ATP9B: variants seen among roughly 807,000 people sequenced by gnomAD.
ATP9B encodes the protein ATPase phospholipid transporting 9B, also known as probable phospholipid-transporting ATPase IIB.
A neutral mutation model predicts 146.1 loss-of-function variants in ATP9B; 110 were observed. The ratio of observed to expected loss-of-function variants is 0.75; its 90% CI spans 0.65 to 0.88. The LOEUF (loss-of-function observed/expected upper bound fraction) is 0.88. Among genes scored for constraint, ATP9B ranks in the 40% least tolerant of loss-of-function variants. The pLI is 0.00. For synonymous variants in ATP9B, 604 were observed against 569.7 expected, an observed-to-expected ratio of 1.06 and a Z score of -0.86; for missense variants, 1,499 against 1,496.4, an observed-to-expected ratio of 1.00 and a Z score of -0.03.
At chr18:79,082,773 T>C (rs2073404379) in intron 1 of ATP9B, among the ~76,000 whole-genome samples, 1 of 152,332 alleles carries the variant, frequency 6.6e-6, no homozygotes, top group African/African-American at 2.4e-5. Flanking sequence ...TTTCTTCCTC[T>C]GGAAGCTTCG....
In ATP9B at chr18:79,377,653, A is replaced by C; in HGVS notation, c.*270A>C. On this transcript the variant is annotated 3_prime_UTR_variant, in exon 30 of 30. Coordinates refer to ENST00000426216, the MANE Select transcript of ATP9B (RefSeq NM_198531.5). ...GGCTTCACCCCTGCCAGGCAAGCCC[A>C]GGGCATAGATGCTGAGACAGCCTCT... The C allele has an allele frequency of 2.0e-6, 1 of 488,554 alleles. No individual in the cohort carries two copies. Among genetic ancestry groups the C allele is most frequent in the African/African-American group, 2.0e-5 (1 of 50,178 alleles). The allele number at this position is 488,554 out of a possible 1,614,324, so 30.3% of individuals were successfully genotyped here. A position where few individuals can be genotyped will look rare whatever the true frequency, so the allele number is the denominator to read the frequency against.
intron 12 of ATP9B, among the ~76,000 whole-genome samples, chr18:79,271,184 A>G (rs1335793564): frequency 1.3e-5 from 2 of 152,140 alleles, no homozygotes; most frequent in Non-Finnish European, 2.9e-5. Flanking sequence ...GGGATTTAGA[A>G]TTTTGCTTAC....
intron 26 of ATP9B, among the ~76,000 whole-genome samples, chr18:79,370,747 T>C (rs1249484686): frequency 6.6e-5 from 10 of 152,192 alleles, no homozygotes; most frequent in African/African-American, 2.4e-5. Flanking sequence ...TCTGAGGTGC[T>C]CCCTGTTGGC....
chr18:79,329,421 G>A, intron 16 of ATP9B, 119 bp downstream of exon 16: 1 of 1,078,666 alleles, frequency 9.3e-7, no homozygotes. Flanking sequence ...TGCTGTTACA[G>A]TTTTGTTTGT....
intron 26 of ATP9B, chr18:79,361,882 G>A (rs2096991377): frequency 1.3e-6 from 1 of 798,138 alleles, no homozygotes; most frequent in South Asian, 5.7e-5. Context: ...TCAAGCTCCT[G>A]CGATGTAGGA....
At chr18:79,122,836 A>G (rs965998155) in intron 4 of ATP9B, among the ~76,000 whole-genome samples, 5 of 152,052 alleles carry the variant, frequency 3.3e-5, no homozygotes, top group African/African-American at 1.2e-4. Flanking sequence ...CTTTTATTTC[A>G]TTGCTGCTTT....
At chr18:79,143,885 A>C (rs1194415362) in intron 6 of ATP9B, 25 bp downstream of exon 6, 1 of 1,451,812 alleles carries the variant, frequency 6.9e-7, no homozygotes, top group African/African-American at 1.4e-5. Flanking sequence ...AATATATTTT[A>C]GACCTATGTA....
chr18:79,373,588 C>G (rs534845441), intron 27 of ATP9B, among the ~76,000 whole-genome samples: 1 of 150,928 alleles, frequency 6.6e-6, no homozygotes, highest in East Asian at 2.0e-4. Flanking sequence ...CTCCTGGGTT[C>G]AAATGATTCT....
chr18:79,096,716 T>A (rs557112288), intron 2 of ATP9B, 67 bp downstream of exon 2: 1 of 1,227,806 alleles, frequency 8.1e-7, no homozygotes, highest in South Asian at 1.5e-5. Flanking sequence ...GCTTCTAATA[T>A]ACTTATTAGC....
intron 19 of ATP9B, among the ~76,000 whole-genome samples, chr18:79,341,146 C>T (rs990994568): frequency 9.9e-5 from 15 of 152,202 alleles, no homozygotes. Flanking sequence ...TGTAGCGTGA[C>T]CTCGTTGAAG....
intron 2 of ATP9B, among the ~76,000 whole-genome samples, chr18:79,101,789 G>A (rs527240734): frequency 3.9e-5 from 6 of 152,044 alleles, no homozygotes; most frequent in Non-Finnish European, 5.9e-5. Context: ...TGCCATTTGT[G>A]TACTCTCATA....
chr18:79,154,155 G>T (rs1289111432), intron 6 of ATP9B, among the ~76,000 whole-genome samples: 1 of 150,402 alleles, frequency 6.6e-6, no homozygotes, highest in African/African-American at 2.5e-5. Context: ...TAGAGACAAG[G>T]TTTCACCATG....
chr18:79,268,342 A>G (rs145878006), intron 12 of ATP9B, among the ~76,000 whole-genome samples: 140 of 152,278 alleles, frequency 9.2e-4, no homozygotes, highest in African/African-American at 3.2e-3. Flanking sequence ...TGCATATTCA[A>G]TTATTATAAT....
At chr18:79,150,232 T>C (rs909853103) in intron 6 of ATP9B, among the ~76,000 whole-genome samples, 1 of 151,940 alleles carries the variant, frequency 6.6e-6, no homozygotes, top group African/African-American at 2.4e-5. Context: ...TTGGAAACAA[T>C]GTGAAGAAGC....
chr18:79,132,249 C>T (rs2094389152), intron 5 of ATP9B, among the ~76,000 whole-genome samples: 1 of 152,088 alleles, frequency 6.6e-6, no homozygotes, highest in African/African-American at 2.4e-5. Context: ...TGAAAATTTA[C>T]CATTTAAGAA....
intron 12 of ATP9B, among the ~76,000 whole-genome samples, chr18:79,256,286 T>TACAC (rs1555791765): frequency 1.8e-4 from 22 of 123,068 alleles, no homozygotes; most frequent in African/African-American, 4.9e-4. Context: ...TATATATATA[T>TACAC]ACATACATAG....
chr18:79,359,408 C>T lies in ATP9B; in HGVS notation c.2958C>T (p.Asp986=), dbSNP rs377408016. ...TGTTCTCCTTAGTGCTGGACCAGGACGTGAAGCCAGAGATGGCGATGCTCT... is the reference window on the plus strand; with the variant it reads ...TGTTCTCCTTAGTGCTGGACCAGGATGTGAAGCCAGAGATGGCGATGCTCT... The part of the protein sequence containing the change: ...FPVFSLVLDQ[D]VKPEMAMLYP... Residue 986 remains aspartate, a synonymous_variant, in exon 26 of 30, where the codon GAC becomes GAT. Transcript: ENST00000426216. The T allele has an allele frequency of 1.6e-5, 26 of 1,613,940 alleles. No homozygotes were observed. The highest frequency in any genetic ancestry group is 3.3e-5 in the Admixed American group (2 of 59,992).
rs377615247 is a variant in ATP9B, at chr18:79,348,266, AAAAC to A, written c.2903+74_2903+77del. Reference sequence around the variant, plus strand: ...CTATTTTGAAAAAAAAAAAAAAAAAAAAACAAAAAACGTATATAGAAGATTCTTG... The same window carrying A: ...CTATTTTGAAAAAAAAAAAAAAAAAAAAAAAACGTATATAGAAGATTCTTG... On this transcript the variant is annotated intron_variant, in intron 25 of 29. Transcript: ENST00000426216. 1,042 of 1,227,020 alleles carry A rather than the reference AAAAC, an allele frequency of 8.5e-4. 9 individuals carry two copies. Among genetic ancestry groups the A allele is most frequent in the South Asian group, 1.3e-3 (101 of 76,780 alleles). The allele number at this position is 1,227,020 out of a possible 1,614,324, so 76.0% of individuals were successfully genotyped here.
At chr18:79,249,944 C>T (rs1368141742) in intron 11 of ATP9B, among the ~76,000 whole-genome samples, 2 of 152,188 alleles carry the variant, frequency 1.3e-5, no homozygotes, top group African/African-American at 4.8e-5. Context: ...GAAAATGCCA[C>T]CTGCAAGGCA....
Sources: allele counts gnomAD v4.1 joint callset (sites outside exome capture counted in the v4.1 genomes callset), GRCh38; gene constraint gnomAD v4.1.1; transcripts MANE v1.5; gene names NCBI Gene and HGNC (gene_info 2026-07-23, HGNC 2026-07-21).